The following SLC35F3 variants were observed in gnomAD, a reference collection of about 807,000 sequenced individuals.
SLC35F3 encodes the protein putative thiamine transporter SLC35F3.
In SLC35F3, 25 loss-of-function variants were observed where a neutral mutation model predicts 49.9. That is an observed-to-expected ratio of 0.50 (90% CI 0.37 to 0.70). SLC35F3 has a LOEUF of 0.70. Among genes scored for constraint, SLC35F3 ranks in the 30% least tolerant of loss-of-function variants. The probability of loss-of-function intolerance (pLI) is 0.00; values close to 1 mark genes in which losing one functional copy is unlikely to be tolerated. For synonymous variants in SLC35F3, 275 were observed against 265.4 expected (o/e 1.04, Z -0.35); for missense variants, 525 against 639.8 (o/e 0.82, Z 1.94).
At chr1:234,013,164 A>G (rs1663750163) in intron 2 of SLC35F3, among the ~76,000 whole-genome samples, 1 of 152,252 alleles carries the variant, frequency 6.6e-6, no homozygotes. Context: ...TCAAACTAGA[A>G]ATCAATAACA....
chr1:234,205,920 G>A (rs928951168), intron 2 of SLC35F3, among the ~76,000 whole-genome samples: 1 of 152,096 alleles, frequency 6.6e-6, no homozygotes, highest in Non-Finnish European at 1.5e-5. Context: ...GGTGGTGGGT[G>A]AGGGGTCCGT....
chr1:234,130,508 G>A lies in SLC35F3; in HGVS notation c.284-100909G>A, dbSNP rs58995665. Among the ~76,000 whole-genome samples, 777 of 151,458 alleles carry A rather than the reference G, an allele frequency of 5.1e-3. 10 individuals are homozygous for A. The highest frequency in any genetic ancestry group is 0.018 in the African/African-American group (746 of 41,310). On this transcript the variant is annotated intron_variant, in intron 2 of 7. Coordinates refer to ENST00000366618, the MANE Select transcript of SLC35F3 (RefSeq NM_173508.4). ...AAAAAAATTAGCCAGGCGTGGTGGC[G>A]AGCACCTGTAGTCTCAGCTACTTGG...
chr1:234,021,180 A>G (rs1663889645), intron 2 of SLC35F3, among the ~76,000 whole-genome samples: 1 of 147,228 alleles, frequency 6.8e-6, no homozygotes, highest in Admixed American at 6.7e-5. Flanking sequence ...CCCCGCCCCC[A>G]GCAGGCTCCA....
chr1:234,043,734 A>G (rs1211511756), intron 2 of SLC35F3, among the ~76,000 whole-genome samples: 2 of 152,230 alleles, frequency 1.3e-5, no homozygotes, highest in African/African-American at 4.8e-5. Context: ...ATTGTAAACT[A>G]TGTAAAATTA....
intron 3 of SLC35F3, among the ~76,000 whole-genome samples, chr1:234,271,988 T>A (rs958771989): frequency 6.6e-6 from 1 of 152,038 alleles, no homozygotes; most frequent in Non-Finnish European, 1.5e-5. Context: ...TAGCCAGGCA[T>A]GGTGGAGCAT....
chr1:234,033,394 A>AT, intron 2 of SLC35F3, among the ~76,000 whole-genome samples: 1 of 152,034 alleles, frequency 6.6e-6, no homozygotes, highest in East Asian at 1.9e-4. Flanking sequence ...TTTTTGTTGC[A>AT]TTTGCTTTGG....
chr1:234,132,954 A>C (rs1665756788), intron 2 of SLC35F3, among the ~76,000 whole-genome samples: 1 of 152,222 alleles, frequency 6.6e-6, no homozygotes, highest in Non-Finnish European at 1.5e-5. Context: ...TTAATCATTT[A>C]ACACTCATAA....
At chr1:233,992,071 C>T (rs1245982702) in intron 2 of SLC35F3, among the ~76,000 whole-genome samples, 1 of 152,172 alleles carries the variant, frequency 6.6e-6, no homozygotes, top group Non-Finnish European at 1.5e-5. Flanking sequence ...TAGAAGCAGA[C>T]ACCCAACCCA....
At chr1:234,199,028 G>A (rs2102933425) in intron 2 of SLC35F3, among the ~76,000 whole-genome samples, 1 of 149,824 alleles carries the variant, frequency 6.7e-6, no homozygotes, top group South Asian at 2.1e-4. Context: ...AGCCTAGCTT[G>A]GGCAACATAG....
chr1:234,270,118 G>T (rs1668075603), intron 3 of SLC35F3, among the ~76,000 whole-genome samples: 1 of 152,198 alleles, frequency 6.6e-6, no homozygotes, highest in African/African-American at 2.4e-5. Context: ...AGGACAAACT[G>T]AGTTACAAGG....
At chr1:234,194,646 TCAAGACCCACAGAGATGTCCC>T (rs1666780402) in intron 2 of SLC35F3, among the ~76,000 whole-genome samples, 2 of 152,090 alleles carry the variant, frequency 1.3e-5, no homozygotes, top group African/African-American at 4.8e-5. Context: ...AAGAGCAGCT[TCAAGACCCACAGAGATGTCCC>T]CAAGACCCCT....
intron 2 of SLC35F3, among the ~76,000 whole-genome samples, chr1:234,155,756 T>C (rs1666141755): frequency 6.7e-6 from 1 of 148,620 alleles, no homozygotes; most frequent in Non-Finnish European, 1.5e-5. Flanking sequence ...GATAGGAGAG[T>C]TAGAACTCTA....
At chr1:234,287,225 C>T (rs185550818) in intron 3 of SLC35F3, among the ~76,000 whole-genome samples, 1 of 152,156 alleles carries the variant, frequency 6.6e-6, no homozygotes, top group African/African-American at 2.4e-5. Flanking sequence ...ATTTAAAAAG[C>T]AACTAATGTT....
In SLC35F3 at chr1:234,316,611, G is replaced by A. The variant is rs773044833; in HGVS notation, c.838G>A (p.Ala280Thr). The change falls in exon 5 of 8, where the codon GCC (alanine) becomes ACC (threonine). Residue 280 changes from alanine (A) to threonine (T), a missense_variant. Physicochemically the swap from Ala to Thr is moderately conservative, Grantham distance 58. Around this residue, in one of 4 missense-constraint regions of SLC35F3, gnomAD observed 216 missense variants for 298.1 expected, o/e 0.72. Coordinates refer to ENST00000366618, the MANE Select transcript of SLC35F3 (RefSeq NM_173508.4). ...DRFMGVRIVA[A>T]ILAIAGIVMM... The stretch of plus-strand genomic sequence containing the variant: ...TCTTCCGTCTGTCCAGATTGTGGCC[G>A]CCATCCTCGCCATCGCTGGCATTGT... The A allele has an allele frequency of 1.2e-5, 19 of 1,607,834 alleles. No homozygotes were observed. Among genetic ancestry groups the A allele is most frequent in the Admixed American group, 3.3e-5 (2 of 59,910 alleles).
intron 2 of SLC35F3, among the ~76,000 whole-genome samples, chr1:234,223,653 C>T (rs75062044): frequency 0.012 from 1,901 of 152,320 alleles, 28 homozygotes; most frequent in African/African-American, 0.042. Flanking sequence ...AATAGATACT[C>T]TGCCATCTGT....
chr1:234,205,919 T>G (rs920274523), intron 2 of SLC35F3, among the ~76,000 whole-genome samples: 3 of 150,042 alleles, frequency 2.0e-5, no homozygotes, highest in African/African-American at 7.4e-5. Context: ...GGGTGGTGGG[T>G]GAGGGGTCCG....
chr1:234,277,469 C>T (rs1489667864), intron 3 of SLC35F3, among the ~76,000 whole-genome samples: 2 of 152,222 alleles, frequency 1.3e-5, no homozygotes, highest in Non-Finnish European at 2.9e-5. Flanking sequence ...GCCATCTCAG[C>T]ACGACTCAAA....
At chr1:234,044,256 C>A (rs890561620) in intron 2 of SLC35F3, among the ~76,000 whole-genome samples, 2 of 152,172 alleles carry the variant, frequency 1.3e-5, no homozygotes, top group East Asian at 3.8e-4. Flanking sequence ...AGTGCCATGC[C>A]CTTGAACTTC....
At chr1:234,117,590 T>TA (rs34058556) in intron 2 of SLC35F3, among the ~76,000 whole-genome samples, 13,174 of 135,924 alleles carry the variant, frequency 0.097, 1,033 homozygotes, top group African/African-American at 0.24. Flanking sequence ...AGACCCTGTC[T>TA]AAAAAAAAAA....
Sources: gnomAD v4.1 joint callset for allele counts (sites outside exome capture counted in the v4.1 genomes callset) on GRCh38, gnomAD v4.1.1 for gene constraint, gnomAD v4.1.1 regional missense constraint, MANE v1.5 for transcripts, NCBI Gene and HGNC (gene_info 2026-07-23, HGNC 2026-07-21) for gene names.